The following TET3 variants were observed in gnomAD, a reference collection of about 807,000 sequenced individuals.
TET3 encodes the protein methylcytosine dioxygenase TET3.
TET3 carries 19 observed loss-of-function variants against 141.4 expected under a neutral mutation model. That is an observed-to-expected ratio of 0.13 (90% CI 0.09 to 0.20). The LOEUF is 0.20. Among genes scored for constraint, TET3 ranks in the 10% least tolerant of loss-of-function variants. The pLI is 1.00. For missense variants in TET3, 1,874 were observed against 2,356.9 expected, an observed-to-expected ratio of 0.80 and a Z score of 4.24; for synonymous variants, 1,043 against 980.9, an observed-to-expected ratio of 1.06 and a Z score of -1.18.
chr2:74,114,853 CAAAAAAAA>C, the TET3 span, among the ~76,000 whole-genome samples: 6 of 43,882 alleles, frequency 1.4e-4, no homozygotes, highest in African/African-American at 3.4e-4. Context: ...GACTCTGTCT[CAAAAAAAA>C]AAAAAAAAAA....
intron 3 of TET3, among the ~76,000 whole-genome samples, chr2:74,036,928 C>T (rs568924389): frequency 6.6e-6 from 1 of 152,028 alleles, no homozygotes; most frequent in South Asian, 2.1e-4. Context: ...CTGTATCTGC[C>T]CATTTTGTAG....
rs921737504 is a variant in TET3, at chr2:74,060,512, AT to A, written c.2494+12110del. On this transcript the variant is annotated intron_variant, in intron 4 of 11. Transcript: ENST00000409262. The stretch of plus-strand genomic sequence containing the variant: ...CCATATGTAAAGTCTTCATAAAAAC[AT>A]TTTTTTTTAAATTTATTATTATTTT... Among the ~76,000 whole-genome samples, 17 of 151,674 alleles carry A rather than the reference AT, an allele frequency of 1.1e-4. No individual in the cohort carries two copies. In the East Asian group the frequency reaches 1.2e-3, roughly 10 times the overall value.
chr2:74,062,370 T>G (rs1688642079), intron 4 of TET3, among the ~76,000 whole-genome samples: 1 of 152,260 alleles, frequency 6.6e-6, no homozygotes, highest in African/African-American at 2.4e-5. Context: ...CGATGAACAC[T>G]AAATCTGTTC....
rs143849378 is a variant in TET3, at chr2:74,003,000, C to T, written c.304-110C>T. 1.5e-4 allele frequency: 174 copies of T among 1,167,968 alleles called. No individual in the cohort carries two copies. In the African/African-American group the frequency reaches 2.5e-3, roughly 17 times the overall value. The allele number at this position is 1,167,968 out of a possible 1,614,324, so 72.4% of individuals were successfully genotyped here. On this transcript the variant is annotated intron_variant, in intron 2 of 11. Coordinates refer to ENST00000409262, the MANE Select transcript of TET3 (RefSeq NM_001287491.2). Reference sequence around the variant, plus strand: ...AGCCTTTCTTTCCCAGGCTGTATCCCCTCCCGTTCGCCTTCTTCCCCTCCG... The same window carrying T: ...AGCCTTTCTTTCCCAGGCTGTATCCTCTCCCGTTCGCCTTCTTCCCCTCCG...
chr2:74,127,831 A>G, the TET3 span, among the ~76,000 whole-genome samples: 1 of 152,194 alleles, frequency 6.6e-6, no homozygotes, highest in African/African-American at 2.4e-5. Flanking sequence ...CAGCGACAAC[A>G]AACAGATGAA....
At chr2:74,134,615 T>C in the TET3 span, 14 of 446,310 alleles carry the variant, frequency 3.1e-5, no homozygotes, top group Non-Finnish European at 5.9e-5. Flanking sequence ...CCCACTGCCA[T>C]GGTAACATGG....
intron 2 of TET3, among the ~76,000 whole-genome samples, chr2:73,994,751 C>T (rs1684504743): frequency 1.3e-5 from 2 of 150,312 alleles, no homozygotes; most frequent in Admixed American, 1.3e-4. Context: ...AATTTTCCTG[C>T]CTCATTCTCC....
intron 8 of TET3, among the ~76,000 whole-genome samples, chr2:74,090,918 C>T (rs772903595): frequency 6.6e-6 from 1 of 152,190 alleles, no homozygotes; most frequent in African/African-American, 2.4e-5. Context: ...TATCCAAATA[C>T]GTGAACTCAA....
At chr2:74,066,461 CAT>C (rs752559691) in intron 4 of TET3, among the ~76,000 whole-genome samples, 2 of 152,138 alleles carry the variant, frequency 1.3e-5, no homozygotes, top group African/African-American at 4.8e-5. Flanking sequence ...CTTCATATAA[CAT>C]ATATGAGGAT....
chr2:74,039,553 CAGT>C (rs1473862938), intron 3 of TET3, among the ~76,000 whole-genome samples: 1 of 152,184 alleles, frequency 6.6e-6, no homozygotes, highest in Non-Finnish European at 1.5e-5. Flanking sequence ...CCCCAAAACA[CAGT>C]AGTATAAAAC....
chr2:74,013,432 A>G (rs952332204), intron 3 of TET3, among the ~76,000 whole-genome samples: 3 of 152,130 alleles, frequency 2.0e-5, no homozygotes, highest in Non-Finnish European at 4.4e-5. Context: ...AATAATAGTA[A>G]CTTCATATAA....
intron 3 of TET3, among the ~76,000 whole-genome samples, chr2:74,012,853 A>G (rs1388945904): frequency 6.6e-6 from 1 of 152,058 alleles, no homozygotes; most frequent in Non-Finnish European, 1.5e-5. Flanking sequence ...GTTTCATTAC[A>G]TTTTATTAAG....
chr2:73,999,478 G>A (rs1381736159), intron 2 of TET3, among the ~76,000 whole-genome samples: 3 of 152,194 alleles, frequency 2.0e-5, no homozygotes, highest in Non-Finnish European at 2.9e-5. Flanking sequence ...GTCTGGTTGT[G>A]TCTGTGTTCC....
intron 4 of TET3, among the ~76,000 whole-genome samples, chr2:74,062,253 C>T (rs553725163): frequency 1.7e-4 from 26 of 152,232 alleles, no homozygotes; most frequent in Non-Finnish European, 3.2e-4. Context: ...ACCCCGTCTC[C>T]ACCAAAAAAA....
At position 74,105,963 on chromosome 2, in the gene TET3, A is replaced by G. The variant is rs1691477034; in HGVS notation, c.*3787A>G. Reference sequence around the variant, plus strand: ...TATGGACTAGGAAGCATTTTTATGAATTGAAATAGTCTAAATAAAATGGTG... The same window carrying G: ...TATGGACTAGGAAGCATTTTTATGAGTTGAAATAGTCTAAATAAAATGGTG... On this transcript the variant is annotated 3_prime_UTR_variant, in exon 12 of 12. Coordinates refer to ENST00000409262, the MANE Select transcript of TET3 (RefSeq NM_001287491.2). The G allele has an allele frequency of 6.5e-6, 1 of 153,692 alleles. No homozygotes were observed. Among genetic ancestry groups the G allele is most frequent in the South Asian group, 2.1e-4 (1 of 4,834 alleles). The allele number at this position is 153,692 out of a possible 1,614,324, so 9.5% of individuals were successfully genotyped here.
intron 2 of TET3, chr2:74,002,664 A>C (rs1176568753): frequency 2.5e-6 from 1 of 392,778 alleles, no homozygotes; most frequent in Non-Finnish European, 4.5e-6. Context: ...GCCCCCTCGC[A>C]CACCAGCCCC....
chr2:74,069,023 G>A (rs1689055322), intron 4 of TET3, among the ~76,000 whole-genome samples: 1 of 151,998 alleles, frequency 6.6e-6, no homozygotes, highest in African/African-American at 2.4e-5. Context: ...TGATTTATCA[G>A]GGTTTTATTT....
chr2:74,124,934 A>C, the TET3 span, among the ~76,000 whole-genome samples: 1 of 151,870 alleles, frequency 6.6e-6, no homozygotes, highest in Non-Finnish European at 1.5e-5. Context: ...ATACTAAAAA[A>C]AAAAAAGAAA....
rs1558804228 is a variant in TET3, at chr2:74,105,869, G to C, written c.*3693G>C. On this transcript the variant is annotated 3_prime_UTR_variant, in exon 12 of 12. Coordinates refer to ENST00000409262, the MANE Select transcript of TET3 (RefSeq NM_001287491.2). ...GATCTCAAACCAAGGCAAAGCTGGT[G>C]GAAAACTATATGATATCCCTGACGT... is the stretch of plus-strand genomic sequence containing the variant. 1 of 155,048 alleles carries C rather than the reference G, an allele frequency of 6.4e-6. No individual in the cohort carries two copies. Among genetic ancestry groups the C allele is most frequent in the Non-Finnish European group, 1.4e-5 (1 of 69,068 alleles). 9.6% of individuals were successfully genotyped at this position (155,048 alleles called of 1,614,324 possible). A position where few individuals can be genotyped will look rare whatever the true frequency, so the allele number is the denominator to read the frequency against.
Sources: gnomAD v4.1 joint callset for allele counts (sites outside exome capture counted in the v4.1 genomes callset) on GRCh38, gnomAD v4.1.1 for gene constraint, MANE v1.5 for transcripts, NCBI Gene and HGNC (gene_info 2026-07-23, HGNC 2026-07-21) for gene names.